The following PRPF19 variants were observed in gnomAD, a reference collection of about 807,000 sequenced individuals.
The protein encoded by PRPF19 is pre-mRNA processing factor 19, also known as pre-mRNA-processing factor 19.
PRPF19 carries 2 observed loss-of-function variants against 64.2 expected under a neutral mutation model. That is an observed-to-expected ratio of 0.03 (90% CI 0.01 to 0.10). The LOEUF (loss-of-function observed/expected upper bound fraction) is 0.10. PRPF19 is among the 10% of genes least tolerant of loss of function. PRPF19 has a pLI of 1.00. For missense variants in PRPF19, 314 were observed against 650.0 expected (o/e 0.48, Z 5.62); for synonymous variants, 226 against 251.6 (o/e 0.90, Z 0.96).
intron 10 of PRPF19, among the ~76,000 whole-genome samples, chr11:60,899,800 G>T (rs192013765): frequency 6.6e-4 from 100 of 152,276 alleles, no homozygotes; most frequent in Admixed American, 1.8e-3. Context: ...ATTTGGGGCA[G>T]GGAGAGAATT....
intron 8 of PRPF19, 144 bp from the exon 9 acceptor site, chr11:60,901,073 T>C (rs1855979231): frequency 1.9e-6 from 2 of 1,051,510 alleles, no homozygotes; most frequent in Non-Finnish European, 1.4e-6. Flanking sequence ...ACCTCTTGGC[T>C]ATCTGCCTGG....
intron 1 of PRPF19, among the ~76,000 whole-genome samples, chr11:60,906,015 A>G (rs552000586): frequency 1.3e-5 from 2 of 152,314 alleles, no homozygotes; most frequent in African/African-American, 2.4e-5. Flanking sequence ...CATAAAGCCA[A>G]TGGGAGGCGG....
intron 15 of PRPF19, among the ~76,000 whole-genome samples, chr11:60,891,862 T>G (rs780914278): frequency 4.6e-5 from 7 of 152,164 alleles, no homozygotes; most frequent in African/African-American, 7.2e-5. Context: ...CAGTACAGGG[T>G]GAAAACCGGT....
intron 15 of PRPF19, among the ~76,000 whole-genome samples, chr11:60,891,860 G>A (rs1855861734): frequency 6.6e-6 from 1 of 152,170 alleles, no homozygotes; most frequent in South Asian, 2.1e-4. Flanking sequence ...TACAGTACAG[G>A]GTGAAAACCG....
At chr11:60,901,561 T>C in intron 6 of PRPF19, 21 bp from the exon 7 acceptor site, 1 of 1,613,902 alleles carries the variant, frequency 6.2e-7, no homozygotes, top group Non-Finnish European at 8.5e-7. Flanking sequence ...ACAGGCTCAA[T>C]GTGAGACAAA....
chr11:60,899,666 A>G (rs1414374111), intron 10 of PRPF19, among the ~76,000 whole-genome samples: 1 of 152,254 alleles, frequency 6.6e-6, no homozygotes, highest in African/African-American at 2.4e-5. Flanking sequence ...AGCCACATGC[A>G]GCTAACTGCT....
At chr11:60,899,561 A>G (rs1477941240) in intron 10 of PRPF19, among the ~76,000 whole-genome samples, 1 of 152,244 alleles carries the variant, frequency 6.6e-6, no homozygotes, top group Non-Finnish European at 1.5e-5. Flanking sequence ...TAACTGCAAC[A>G]GAGAGCAATT....
At chr11:60,896,698 T>C (rs895102466) in intron 15 of PRPF19, among the ~76,000 whole-genome samples, 2 of 152,216 alleles carry the variant, frequency 1.3e-5, no homozygotes, top group Non-Finnish European at 2.9e-5. Context: ...CCCTTATCAA[T>C]TACCCAGGCA....
intron 1 of PRPF19, 39 bp downstream of exon 1, chr11:60,906,325 G>C (rs1268754415): frequency 6.3e-7 from 1 of 1,586,798 alleles, no homozygotes; most frequent in African/African-American, 1.4e-5. Flanking sequence ...CCGCTCTCTG[G>C]CCTCCTGAGA....
chr11:60,897,325 G>A (rs1332064478), intron 15 of PRPF19, among the ~76,000 whole-genome samples: 1 of 152,236 alleles, frequency 6.6e-6, no homozygotes, highest in Non-Finnish European at 1.5e-5. Flanking sequence ...TAAGGTTATA[G>A]CAATAGTCTT....
At chr11:60,900,513 A>T (rs1264667333) in intron 10 of PRPF19, 69 bp downstream of exon 10, 2 of 1,247,344 alleles carry the variant, frequency 1.6e-6, no homozygotes, top group South Asian at 2.7e-5. Flanking sequence ...TCACAGAGAC[A>T]GCAGCGGGGT....
chr11:60,903,356 T>C, intron 3 of PRPF19, 103 bp downstream of exon 3: 1 of 1,243,796 alleles, frequency 8.0e-7, no homozygotes, highest in Non-Finnish European at 1.1e-6. Flanking sequence ...TGTCACAAAG[T>C]TTACCCTCTA....
intron 15 of PRPF19, among the ~76,000 whole-genome samples, chr11:60,892,095 G>T (rs1459232807): frequency 6.6e-6 from 1 of 152,150 alleles, no homozygotes; most frequent in African/African-American, 2.4e-5. Flanking sequence ...CACAACACCA[G>T]CTGTCACACC....
Position 60,901,290 on chromosome 11 carries a change from C to A in PRPF19, c.642+5G>T, listed in dbSNP as rs1855981919. On this transcript the variant is annotated splice_donor_5th_base_variant and intron_variant, in intron 8 of 15. Transcript: ENST00000227524. ...CTCCAAGACAGTGGAGACCCAGACA[C>A]TCACCACGTGGGATGCCACCTGCCG... 1 of 1,613,864 alleles carries A rather than the reference C, an allele frequency of 6.2e-7. No individual in the cohort carries two copies.
chr11:60,904,136 A>G (rs1856016669), intron 1 of PRPF19, among the ~76,000 whole-genome samples: 1 of 152,234 alleles, frequency 6.6e-6, no homozygotes, highest in Non-Finnish European at 1.5e-5. Flanking sequence ...CTATGTGCCA[A>G]GCACCTAGAG....
At chr11:60,901,463 C>G (rs757554893) in intron 7 of PRPF19, 36 bp downstream of exon 7, 1 of 1,614,142 alleles carries the variant, frequency 6.2e-7, no homozygotes, top group Non-Finnish European at 8.5e-7. Flanking sequence ...TCCCACCAGG[C>G]CAGCTCTTTC....
intron 15 of PRPF19, among the ~76,000 whole-genome samples, chr11:60,892,955 C>T (rs1028354669): frequency 6.6e-6 from 1 of 151,832 alleles, no homozygotes; most frequent in African/African-American, 2.4e-5. Context: ...TGTGTCACCA[C>T]CACCCCCTAG....
In PRPF19 at chr11:60,906,442, T is replaced by C. The variant is rs1856049363; in HGVS notation, c.-60A>G. ...GGGCTCCGGGACTAGCTTCTGAGCC[T>C]CCGCGAGCCACTTCCGGTCCCCCGC... On this transcript the variant is annotated 5_prime_UTR_variant, in exon 1 of 16. Transcript: ENST00000227524. 6 of 1,481,996 alleles carry C rather than the reference T, an allele frequency of 4.0e-6. No individual in the cohort carries two copies. In the Admixed American group the frequency reaches 6.1e-5, roughly 15 times the overall value. The allele number at this position is 1,481,996 out of a possible 1,614,324, so 91.8% of individuals were successfully genotyped here. A position where few individuals can be genotyped will look rare whatever the true frequency, so the allele number is the denominator to read the frequency against.
chr11:60,893,400 A>G (rs529143755), intron 15 of PRPF19, among the ~76,000 whole-genome samples: 1 of 152,010 alleles, frequency 6.6e-6, no homozygotes, highest in Non-Finnish European at 1.5e-5. Flanking sequence ...GCTACTCGGG[A>G]GGCTGAGGCA....
Sources: gnomAD v4.1 joint callset for allele counts (sites outside exome capture counted in the v4.1 genomes callset) on GRCh38, gnomAD v4.1.1 for gene constraint, MANE v1.5 for transcripts, NCBI Gene and HGNC (gene_info 2026-07-23, HGNC 2026-07-21) for gene names.